The following ELAVL1 variants were observed in gnomAD, a reference collection of about 807,000 sequenced individuals.
ELAVL1 encodes the protein ELAV like RNA binding protein 1, also known as ELAV-like protein 1.
ELAVL1 carries 1 observed loss-of-function variant against 28.4 expected under a neutral mutation model. The ratio of observed to expected loss-of-function variants is 0.04; its 90% confidence interval spans 0.01 to 0.17. ELAVL1 has a LOEUF of 0.17. Ranked by LOEUF, ELAVL1 falls within the 10% of genes least tolerant of loss-of-function variation. The pLI is 1.00. For missense variants in ELAVL1, 157 were observed against 447.2 expected, an observed-to-expected ratio of 0.35 and a Z score of 5.85; for synonymous variants, 174 against 183.5, an observed-to-expected ratio of 0.95 and a Z score of 0.42.
At position 7,961,308 on chromosome 19, in the gene ELAVL1, C is replaced by T. The variant is rs1336578132; in HGVS notation, c.*2175G>A. 6.8e-6 allele frequency: 1 copy of T among 146,060 alleles called. No homozygotes were observed. The highest frequency in any genetic ancestry group is 1.5e-5 in the Non-Finnish European group (1 of 65,444). The allele number at this position is 146,060 out of a possible 1,614,324, so 9.0% of individuals were successfully genotyped here. A position where few individuals can be genotyped will look rare whatever the true frequency, so the allele number is the denominator to read the frequency against. ...GTTTCAGAAGCGGGAATCCCGCCTT[C>T]CATCAGAAGGGTGTTGGCTCCCACC... On this transcript the variant is annotated 3_prime_UTR_variant, in exon 6 of 6. Transcript: ENST00000407627.
chr19:7,992,409 C>A (rs1026269235), intron 1 of ELAVL1, among the ~76,000 whole-genome samples: 1 of 152,120 alleles, frequency 6.6e-6, no homozygotes, highest in Non-Finnish European at 1.5e-5. Flanking sequence ...GGTTCAGCTG[C>A]ACAGGGGCAT....
chr19:7,963,361 C>A lies in ELAVL1; in HGVS notation c.*122G>T. ...CCAGAGTATAAAAACCTTCTCACTT[C>A]TCATTCAGACAAAGACAAACACTTG... On this transcript the variant is annotated 3_prime_UTR_variant, in exon 6 of 6. Transcript: ENST00000407627. This position sits in a 1 kb window ranked among gnomAD's most constrained non-coding sequence, Gnocchi z 4.5. 1 of 1,195,592 alleles carries A rather than the reference C, an allele frequency of 8.4e-7. No individual in the cohort carries two copies. The highest frequency in any genetic ancestry group is 1.6e-5 in the South Asian group (1 of 62,942). 74.1% of individuals were successfully genotyped at this position (1,195,592 alleles called of 1,614,324 possible).
At chr19:7,992,144 T>C (rs1985769854) in intron 1 of ELAVL1, among the ~76,000 whole-genome samples, 2 of 152,296 alleles carry the variant, frequency 1.3e-5, no homozygotes, top group East Asian at 3.9e-4. Context: ...TTTCGTCGTG[T>C]TGGCCAGGCT....
Position 7,963,539 on chromosome 19 carries a change from G to A in ELAVL1, c.925C>T (p.Arg309Cys), listed in dbSNP as rs780607258. The part of the protein sequence containing the change: ...AMAIASLNGY[R>C]LGDKILQVSF... Reference sequence around the variant, plus strand: ...ACCTGTAAGATTTTGTCCCCCAGGCGGTAGCCGTTCAGGCTGGCTATGGCC... The same window carrying A: ...ACCTGTAAGATTTTGTCCCCCAGGCAGTAGCCGTTCAGGCTGGCTATGGCC... Residue 309 changes from arginine to cysteine, a missense_variant, in exon 6 of 6, where the codon CGC becomes TGC. This residue lies in a region of ELAVL1 where 107 missense variants were observed against 310.4 expected (regional missense o/e 0.34). Transcript: ENST00000407627. The surrounding 1 kb of genome is among the most constrained non-coding windows in gnomAD (Gnocchi z 4.5). The A allele has an allele frequency of 1.2e-6, 2 of 1,613,988 alleles. No homozygotes were observed. The highest frequency in any genetic ancestry group is 1.7e-6 in the Non-Finnish European group (2 of 1,179,798).
At chr19:7,975,875 T>C (rs1985267075) in intron 3 of ELAVL1, among the ~76,000 whole-genome samples, 1 of 151,658 alleles carries the variant, frequency 6.6e-6, no homozygotes, top group African/African-American at 2.4e-5. Flanking sequence ...GGAGGCTGAG[T>C]GGGAGGATCG....
chr19:7,959,031 A>G lies in ELAVL1; in HGVS notation c.*4452T>C, dbSNP rs753761164. 1 of 153,148 alleles carries G rather than the reference A, an allele frequency of 6.5e-6. No homozygotes were observed. The highest frequency in any genetic ancestry group is 1.5e-5 in the Non-Finnish European group (1 of 67,968). 9.5% of individuals were successfully genotyped at this position (153,148 alleles called of 1,614,324 possible). On this transcript the variant is annotated 3_prime_UTR_variant, in exon 6 of 6. Transcript: ENST00000407627. ...TAGGTTTGCTTTTTCCTCCTAAAAC[A>G]CTAAAGAACATTTATTCACAAGGAT... is the stretch of plus-strand genomic sequence containing the variant.
chr19:7,973,785 C>T lies in ELAVL1; in HGVS notation c.370G>A (p.Asp124Asn). 6.2e-7 allele frequency: 1 copy of T among 1,614,160 alleles called. No individual in the cohort carries two copies. The highest frequency in any genetic ancestry group is 2.2e-5 in the East Asian group (1 of 44,874). The change falls in exon 4 of 6, where the codon GAC becomes AAC. Residue 124 changes from aspartate to asparagine, a missense_variant. Asp to Asn is a conservative substitution (Grantham distance 23). This residue lies in a region of ELAVL1 where 107 missense variants were observed against 310.4 expected (regional missense o/e 0.34). Transcript: ENST00000407627. ...PRTMTQKDVE[D>N]MFSRFGRIIN... ...ATCCGCCCAAACCGAGAGAACATGTCTTCTACGTCCTTCTGGGTCATGGTC... is the reference window on the plus strand; with the variant it reads ...ATCCGCCCAAACCGAGAGAACATGTTTTCTACGTCCTTCTGGGTCATGGTC...
At chr19:8,002,803 G>A (rs958355015) in intron 1 of ELAVL1, among the ~76,000 whole-genome samples, 2 of 152,192 alleles carry the variant, frequency 1.3e-5, no homozygotes, top group Non-Finnish European at 2.9e-5. Flanking sequence ...AGGCAGGGAG[G>A]GTTAGAGTTT....
intron 5 of ELAVL1, among the ~76,000 whole-genome samples, chr19:7,966,909 C>G (rs1162083255): frequency 6.6e-6 from 1 of 152,206 alleles, no homozygotes. Context: ...TGTGCTCCCC[C>G]ACACTGGGCA....
chr19:7,978,237 G>C (rs1203597566), intron 3 of ELAVL1, among the ~76,000 whole-genome samples: 2 of 152,242 alleles, frequency 1.3e-5, no homozygotes, highest in Non-Finnish European at 2.9e-5. Flanking sequence ...TGGAATTTCT[G>C]TCTTTGTTAC....
chr19:8,004,833 A>G (rs1226090571), intron 1 of ELAVL1, among the ~76,000 whole-genome samples: 1 of 152,188 alleles, frequency 6.6e-6, no homozygotes, highest in African/African-American at 2.4e-5. Context: ...CGGAAAAGGA[A>G]GGAAGGGCAT....
intron 2 of ELAVL1, among the ~76,000 whole-genome samples, chr19:7,987,934 T>C (rs1985648996): frequency 6.6e-6 from 1 of 152,046 alleles, no homozygotes; most frequent in Admixed American, 6.5e-5. Context: ...CTGAACGGTT[T>C]GAGGAGGGGA....
intron 4 of ELAVL1, among the ~76,000 whole-genome samples, chr19:7,972,696 G>A (rs142999273): frequency 3.8e-4 from 58 of 151,450 alleles, no homozygotes; most frequent in African/African-American, 1.3e-3. Context: ...GCGCGATCAC[G>A]GCTCACCACA....
chr19:7,986,609 G>A (rs902332637), intron 2 of ELAVL1, among the ~76,000 whole-genome samples: 11 of 152,340 alleles, frequency 7.2e-5, no homozygotes, highest in East Asian at 1.9e-4. Context: ...TTTAAAAGGT[G>A]CGCTCTCCCA....
In ELAVL1 at chr19:8,001,493, C is replaced by T. The variant is rs528460586; in HGVS notation, c.-17+4002G>A. On this transcript the variant is annotated intron_variant, in intron 1 of 5. Coordinates refer to ENST00000407627, the MANE Select transcript of ELAVL1 (RefSeq NM_001419.3). ...TCAGTGTCTCTAAACCCAGCTTCATCTTCTTCCTCCTAGTCACTCCCCTTC... is the reference window on the plus strand; with the variant it reads ...TCAGTGTCTCTAAACCCAGCTTCATTTTCTTCCTCCTAGTCACTCCCCTTC... 2.0e-5 allele frequency among the ~76,000 whole-genome samples: 3 copies of T among 152,300 alleles called. No individual in the cohort carries two copies. In the East Asian group the frequency reaches 5.8e-4, roughly 29 times the overall value.
chr19:7,975,233 C>A (rs1431863250), intron 3 of ELAVL1, among the ~76,000 whole-genome samples: 2 of 152,242 alleles, frequency 1.3e-5, no homozygotes, highest in East Asian at 3.9e-4. Context: ...TGGCTCCCTG[C>A]AGACCTGTCT....
intron 1 of ELAVL1, among the ~76,000 whole-genome samples, chr19:8,003,019 A>G (rs2081073409): frequency 6.6e-6 from 1 of 152,158 alleles, no homozygotes; most frequent in Non-Finnish European, 1.5e-5. Context: ...GAGGGAAGAG[A>G]TGGGAAGCGG....
intron 1 of ELAVL1, among the ~76,000 whole-genome samples, chr19:7,996,600 G>A (rs556184555): frequency 3.6e-4 from 54 of 152,000 alleles, no homozygotes; most frequent in Non-Finnish European, 6.0e-4. Flanking sequence ...GAGGTCAGGA[G>A]TTTGAGACCA....
intron 4 of ELAVL1, among the ~76,000 whole-genome samples, chr19:7,969,619 T>G (rs979266834): frequency 1.3e-5 from 2 of 152,152 alleles, no homozygotes; most frequent in South Asian, 4.1e-4. Flanking sequence ...AATGACAGCT[T>G]AGTCAGTCTT....
Sources: gnomAD v4.1 joint callset for allele counts (sites outside exome capture counted in the v4.1 genomes callset) on GRCh38, gnomAD v4.1.1 for gene constraint, gnomAD v4.1.1 regional missense constraint, Gnocchi (gnomAD v3.1) non-coding constraint, MANE v1.5 for transcripts, NCBI Gene and HGNC (gene_info 2026-07-23, HGNC 2026-07-21) for gene names.